RNF150: variants seen among roughly 807,000 people sequenced by gnomAD.
The protein encoded by RNF150 is ring finger protein 150.
Under a neutral mutation model 39.3 loss-of-function variants are expected in RNF150, and 24 were observed. The observed-to-expected ratio is 0.61, with a 90% CI of 0.44 to 0.86. The LOEUF (loss-of-function observed/expected upper bound fraction) is 0.86. Ranked by LOEUF, RNF150 falls within the 40% of genes least tolerant of loss-of-function variation. The probability of loss-of-function intolerance (pLI) is 0.00; values close to 1 mark genes in which losing one functional copy is unlikely to be tolerated. For synonymous variants in RNF150, 255 were observed against 227.3 expected (o/e 1.12, Z -1.10); for missense variants, 502 against 587.8 (o/e 0.85, Z 1.51).
chr4:140,988,633 C>T (rs1363743658), intron 1 of RNF150, among the ~76,000 whole-genome samples: 1 of 141,624 alleles, frequency 7.1e-6, no homozygotes, highest in Admixed American at 7.4e-5. Context: ...TGCTATCCCT[C>T]CCCCTTCCCC....
At chr4:141,089,135 C>T (rs954182926) in intron 1 of RNF150, among the ~76,000 whole-genome samples, 1 of 152,098 alleles carries the variant, frequency 6.6e-6, no homozygotes, top group Non-Finnish European at 1.5e-5. Flanking sequence ...CTTGTGTTGC[C>T]TAGGTTGGAC....
intron 1 of RNF150, among the ~76,000 whole-genome samples, chr4:141,106,907 A>T (rs1044738683): frequency 6.6e-6 from 1 of 152,170 alleles, no homozygotes; most frequent in Non-Finnish European, 1.5e-5. Context: ...CTAAGAATCA[A>T]ATGAAATCAG....
chr4:140,989,744 C>CTT (rs373314707), intron 1 of RNF150, among the ~76,000 whole-genome samples: 1 of 145,538 alleles, frequency 6.9e-6, no homozygotes, highest in African/African-American at 2.5e-5. Flanking sequence ...TTTCACCTTG[C>CTT]TTTTTTTTTT....
chr4:141,203,369 A>G (rs997066990), intron 1 of RNF150, among the ~76,000 whole-genome samples: 4 of 150,996 alleles, frequency 2.6e-5, no homozygotes, highest in African/African-American at 9.8e-5. Context: ...GAGATGATAT[A>G]TATATCTTGG....
intron 1 of RNF150, among the ~76,000 whole-genome samples, chr4:141,102,786 G>A (rs551138988): frequency 2.6e-5 from 4 of 152,214 alleles, no homozygotes; most frequent in Admixed American, 6.5e-5. Flanking sequence ...TTTCCTAAGC[G>A]GTTGTCTCCA....
At chr4:141,080,281 T>C (rs1365494972) in intron 1 of RNF150, among the ~76,000 whole-genome samples, 1 of 152,186 alleles carries the variant, frequency 6.6e-6, no homozygotes, top group Non-Finnish European at 1.5e-5. Flanking sequence ...CTCCTTTTCC[T>C]ACACTAATTT....
At chr4:140,950,727 C>A (rs1042956700) in intron 2 of RNF150, among the ~76,000 whole-genome samples, 1 of 152,204 alleles carries the variant, frequency 6.6e-6, no homozygotes, top group Non-Finnish European at 1.5e-5. Context: ...TAAGTATTTA[C>A]CACGTGGCAC....
intron 1 of RNF150, among the ~76,000 whole-genome samples, chr4:141,059,559 A>AC (rs1737129777): frequency 6.6e-6 from 1 of 151,500 alleles, no homozygotes; most frequent in Non-Finnish European, 1.5e-5. Context: ...GCAATTCTCT[A>AC]TTTTTTTTGC....
intron 1 of RNF150, among the ~76,000 whole-genome samples, chr4:141,168,513 T>C (rs538583739): frequency 1.8e-4 from 28 of 152,310 alleles, no homozygotes; most frequent in African/African-American, 6.3e-4. Context: ...ATTGCAGCAC[T>C]ATTCACAATA....
chr4:141,074,659 C>G (rs1350091512), intron 1 of RNF150, among the ~76,000 whole-genome samples: 1 of 152,098 alleles, frequency 6.6e-6, no homozygotes, highest in Non-Finnish European at 1.5e-5. Flanking sequence ...TCCAGAGATG[C>G]CACCCAAAGC....
Position 141,132,593 on chromosome 4 carries a change from C to G in RNF150, c.216G>C (p.Thr72=). ...AGTGCTCTCCGTAGCGCCCGCACTCCGTCTTCTCCGTGTGCAGCTCCGCGC... is the reference window on the plus strand; with the variant it reads ...AGTGCTCTCCGTAGCGCCCGCACTCGGTCTTCTCCGTGTGCAGCTCCGCGC... ...GGGAELHTEK[T]ECGRYGEHSP... Residue 72 remains threonine (T), a synonymous_variant, in exon 1 of 7, where the codon ACG becomes ACC. Coordinates refer to ENST00000515673, the MANE Select transcript of RNF150 (RefSeq NM_020724.2). The surrounding 1 kb of genome is among the most constrained non-coding windows in gnomAD (Gnocchi z 4.9). 3 of 1,566,808 alleles carry G rather than the reference C, an allele frequency of 1.9e-6. No individual in the cohort carries two copies. The highest frequency in any genetic ancestry group is 1.2e-5 in the South Asian group (1 of 85,440).
At chr4:141,165,215 T>A (rs866663795) in intron 1 of RNF150, among the ~76,000 whole-genome samples, 18 of 151,970 alleles carry the variant, frequency 1.2e-4, no homozygotes, top group African/African-American at 4.1e-4. Flanking sequence ...CATTACGTAA[T>A]GGTAAAGGGA....
intron 1 of RNF150, among the ~76,000 whole-genome samples, chr4:141,178,701 G>A: frequency 6.6e-6 from 1 of 152,148 alleles, no homozygotes; most frequent in East Asian, 1.9e-4. Context: ...TGCTGACAAG[G>A]GCCAGGGCAG....
At chr4:140,877,077 A>C (rs756796368) in intron 6 of RNF150, among the ~76,000 whole-genome samples, 1 of 152,210 alleles carries the variant, frequency 6.6e-6, no homozygotes, top group African/African-American at 2.4e-5. Context: ...TCACATAGTT[A>C]GGATTTCACT....
intron 1 of RNF150, among the ~76,000 whole-genome samples, chr4:141,075,241 T>A (rs984198319): frequency 1.3e-5 from 2 of 152,248 alleles, no homozygotes; most frequent in African/African-American, 2.4e-5. Flanking sequence ...CTCTGCACTG[T>A]AATGCGAAAG....
chr4:140,891,182 T>A (rs903429526), intron 6 of RNF150, among the ~76,000 whole-genome samples: 1 of 152,206 alleles, frequency 6.6e-6, no homozygotes, highest in Non-Finnish European at 1.5e-5. Flanking sequence ...TAACAGTGGC[T>A]ATTATAATTT....
upstream of RNF150, among the ~76,000 whole-genome samples, chr4:141,133,718 G>A (rs1490109858): frequency 1.3e-5 from 2 of 152,052 alleles, no homozygotes; most frequent in African/African-American, 2.4e-5. Flanking sequence ...AAATGTATGT[G>A]CCTCTCGTAA....
chr4:141,210,448 A>G (rs1728443425), intron 1 of RNF150, among the ~76,000 whole-genome samples: 1 of 148,408 alleles, frequency 6.7e-6, no homozygotes, highest in African/African-American at 2.5e-5. Context: ...CACTCCTTAC[A>G]TGTTAGCTTA....
chr4:140,930,014 A>G (rs991408309), intron 4 of RNF150, among the ~76,000 whole-genome samples: 4 of 152,142 alleles, frequency 2.6e-5, no homozygotes, highest in African/African-American at 9.7e-5. Context: ...TGCAAAAACT[A>G]GCTGGGCGTG....
Sources: gnomAD v4.1 joint callset for allele counts (sites outside exome capture counted in the v4.1 genomes callset) on GRCh38, gnomAD v4.1.1 for gene constraint, Gnocchi (gnomAD v3.1) non-coding constraint, MANE v1.5 for transcripts, NCBI Gene and HGNC (gene_info 2026-07-23, HGNC 2026-07-21) for gene names.